GRID2: variants seen among roughly 807,000 people sequenced by gnomAD.
GRID2 encodes the protein glutamate ionotropic receptor delta type subunit 2.
Under a neutral mutation model 114.8 loss-of-function variants are expected in GRID2, and 33 were observed. That is an observed-to-expected ratio of 0.29 (90% confidence interval 0.22 to 0.38). The LOEUF (loss-of-function observed/expected upper bound fraction) is 0.38, where lower values mean the gene tolerates loss of function less well. GRID2 is among the 10% of genes least tolerant of loss of function. The probability of loss-of-function intolerance (pLI) is 1.00; values close to 1 mark genes in which losing one functional copy is unlikely to be tolerated. For synonymous variants in GRID2, 505 were observed against 449.9 expected, an observed-to-expected ratio of 1.12 and a Z score of -1.55; for missense variants, 1,184 against 1,257.7, an observed-to-expected ratio of 0.94 and a Z score of 0.89.
At chr4:93,566,627 G>A (rs188902828) in intron 13 of GRID2, among the ~76,000 whole-genome samples, 3 of 151,996 alleles carry the variant, frequency 2.0e-5, no homozygotes, top group East Asian at 3.9e-4. Context: ...AAAATTAGCC[G>A]GGCATAGTGG....
chr4:92,918,638 T>C (rs1465940426), intron 2 of GRID2, among the ~76,000 whole-genome samples: 1 of 152,212 alleles, frequency 6.6e-6, no homozygotes, highest in Non-Finnish European at 1.5e-5. Context: ...GTTCTGCTTA[T>C]ATGCTGGATT....
intron 2 of GRID2, among the ~76,000 whole-genome samples, chr4:93,081,062 C>T (rs1729816660): frequency 6.6e-6 from 1 of 152,192 alleles, no homozygotes; most frequent in African/African-American, 2.4e-5. Context: ...CCTCCCAACA[C>T]CAACACATTG....
At chr4:93,371,741 CTTTTTTTTTTT>C (rs1205096650) in intron 8 of GRID2, among the ~76,000 whole-genome samples, 1 of 89,796 alleles carries the variant, frequency 1.1e-5, no homozygotes, top group Non-Finnish European at 2.1e-5. Context: ...ATCACTATTT[CTTTTTTTTTTT>C]TTTTTTTTTT....
intron 1 of GRID2, among the ~76,000 whole-genome samples, chr4:92,387,925 T>A (rs1185257138): frequency 9.2e-5 from 14 of 152,142 alleles, no homozygotes. Context: ...TTTTCCTTAT[T>A]CCCTTCCAAG....
chr4:93,149,447 G>A (rs1022886465), intron 4 of GRID2, among the ~76,000 whole-genome samples: 8 of 151,750 alleles, frequency 5.3e-5, no homozygotes, highest in East Asian at 2.0e-4. Context: ...GTGGTGGAGC[G>A]CACCTGTAGT....
chr4:93,224,634 T>C lies in GRID2; in HGVS notation c.984T>C (p.Tyr328=). The part of the protein sequence containing the change: ...QNMEISNLYI[Y]DTVLLLANAF... Reference sequence around the variant, plus strand: ...TTCAGATTTCCAACCTTTACATATATGACACGGTGCTTCTGCTTGCTAATG... The same window carrying C: ...TTCAGATTTCCAACCTTTACATATACGACACGGTGCTTCTGCTTGCTAATG... Residue 328 remains tyrosine (Y), a synonymous_variant, in exon 7 of 16, where the codon TAT becomes TAC. Coordinates refer to ENST00000282020, the MANE Select transcript of GRID2 (RefSeq NM_001510.4). The C allele has an allele frequency of 1.2e-6, 2 of 1,610,588 alleles. No homozygotes were observed. The highest frequency in any genetic ancestry group is 1.7e-6 in the Non-Finnish European group (2 of 1,177,170).
At chr4:93,448,880 TCCCCTTCCCTTCCCTTC>T (rs1722389681) in intron 10 of GRID2, among the ~76,000 whole-genome samples, 1 of 17,900 alleles carries the variant, frequency 5.6e-5, no homozygotes, top group Admixed American at 6.3e-4. Flanking sequence ...CCCCTTCCCT[TCCCCTTCCCTTCCCTTC>T]CCCTTCCCTT....
chr4:92,371,324 A>T (rs2110218828), intron 1 of GRID2, among the ~76,000 whole-genome samples: 1 of 152,280 alleles, frequency 6.6e-6, no homozygotes, highest in South Asian at 2.1e-4. Context: ...AGAAGATGCC[A>T]TGTGGTACTT....
intron 2 of GRID2, among the ~76,000 whole-genome samples, chr4:92,652,881 A>AATATATTTATAAATACATATAAAT (rs879637494): frequency 0.23 from 27,999 of 120,884 alleles, 4,666 homozygotes; most frequent in Middle Eastern, 0.3. Flanking sequence ...AATATATAAA[A>AATATATTTATAAATACATATAAAT]ATATATTTAT....
intron 1 of GRID2, among the ~76,000 whole-genome samples, chr4:92,458,048 A>C (rs373782327): frequency 1.3e-5 from 2 of 152,342 alleles, no homozygotes; most frequent in African/African-American, 4.8e-5. Context: ...TTAGAATAGC[A>C]TGAAGGACTT....
intron 14 of GRID2, among the ~76,000 whole-genome samples, chr4:93,734,965 G>A (rs1229975129): frequency 6.6e-6 from 1 of 151,954 alleles, no homozygotes; most frequent in Admixed American, 6.6e-5. Context: ...ATTTTGAAGT[G>A]TAGTCATCCA....
chr4:92,889,575 G>A (rs1746605692), intron 2 of GRID2, among the ~76,000 whole-genome samples: 2 of 152,064 alleles, frequency 1.3e-5, no homozygotes, highest in African/African-American at 4.8e-5. Context: ...GGATGTGACA[G>A]TCCTTTTCAA....
At chr4:92,722,619 C>T (rs949093926) in intron 2 of GRID2, among the ~76,000 whole-genome samples, 1 of 151,926 alleles carries the variant, frequency 6.6e-6, no homozygotes, top group African/African-American at 2.4e-5. Context: ...TTTAGTATAC[C>T]AGAGACTTAT....
intron 2 of GRID2, among the ~76,000 whole-genome samples, chr4:92,842,343 G>C (rs1358283700): frequency 6.6e-6 from 1 of 152,032 alleles, no homozygotes; most frequent in Non-Finnish European, 1.5e-5. Context: ...CTATAGGAGA[G>C]AACAAAAACC....
intron 13 of GRID2, among the ~76,000 whole-genome samples, chr4:93,625,770 C>T (rs368537782): frequency 6.6e-6 from 1 of 152,194 alleles, no homozygotes; most frequent in Non-Finnish European, 1.5e-5. Context: ...AAAAAATTAG[C>T]GGGGCGCGGT....
At chr4:93,633,224 A>G (rs923916301) in intron 14 of GRID2, among the ~76,000 whole-genome samples, 1 of 151,852 alleles carries the variant, frequency 6.6e-6, no homozygotes, top group Non-Finnish European at 1.5e-5. Flanking sequence ...CCTATAAACT[A>G]TTAGAATATT....
chr4:92,767,655 G>A (rs1738329899), intron 2 of GRID2, among the ~76,000 whole-genome samples: 1 of 152,052 alleles, frequency 6.6e-6, no homozygotes, highest in Admixed American at 6.5e-5. Context: ...GGAGACTGAG[G>A]CAGGAGAATC....
chr4:92,942,581 T>C (rs1264487189), intron 2 of GRID2, among the ~76,000 whole-genome samples: 1 of 152,230 alleles, frequency 6.6e-6, no homozygotes, highest in African/African-American at 2.4e-5. Context: ...TTAAGGTTCC[T>C]ATTGTTATGT....
intron 1 of GRID2, among the ~76,000 whole-genome samples, chr4:92,485,889 T>A (rs1055820442): frequency 2.0e-5 from 3 of 152,008 alleles, no homozygotes; most frequent in African/African-American, 4.8e-5. Context: ...TTTCTAAAAA[T>A]TTTCTGGGCC....
Sources: allele counts gnomAD v4.1 joint callset (sites outside exome capture counted in the v4.1 genomes callset), GRCh38; gene constraint gnomAD v4.1.1; transcripts MANE v1.5; gene names NCBI Gene and HGNC (gene_info 2026-07-23, HGNC 2026-07-21).